KCNQ5: variants seen among roughly 807,000 people sequenced by gnomAD.
The protein encoded by KCNQ5 is potassium voltage-gated channel subfamily KQT member 5.
KCNQ5 carries 30 observed loss-of-function variants against 98.2 expected under a neutral mutation model. The ratio of observed to expected loss-of-function variants is 0.31; its 90% CI spans 0.23 to 0.41. The LOEUF is 0.41. Ranked by LOEUF, KCNQ5 falls within the 10% of genes least tolerant of loss-of-function variation. The pLI, the probability that KCNQ5 is intolerant of heterozygous loss-of-function variation, is 1.00. For missense variants in KCNQ5, 835 were observed against 1,182.5 expected (o/e 0.71, Z 4.31); for synonymous variants, 458 against 449.4 (o/e 1.02, Z -0.24).
At chr6:72,971,631 A>C (rs549107960) in intron 1 of KCNQ5, among the ~76,000 whole-genome samples, 4 of 152,312 alleles carry the variant, frequency 2.6e-5, no homozygotes, top group African/African-American at 9.6e-5. Flanking sequence ...AATGTGGCAC[A>C]TATACACCAT....
rs374752116 is a variant in KCNQ5 at position 73,133,550 on chromosome 6, C to T, written c.1377C>T (p.Thr459=). The T allele has an allele frequency of 7.3e-5, 118 of 1,614,100 alleles. No homozygotes were observed. The highest frequency in any genetic ancestry group is 4.0e-4 in the South Asian group (36 of 91,086). ...ACATCACAGCCGAGGGCAGTCCCACCAAAGTGCAGAAGAGCTGGAGCTTCA... is the reference window on the plus strand; with the variant it reads ...ACATCACAGCCGAGGGCAGTCCCACTAAAGTGCAGAAGAGCTGGAGCTTCA... ...STDITAEGSP[T]KVQKSWSFND... Residue 459 remains threonine (T), a synonymous_variant, in exon 10 of 14, where the codon ACC becomes ACT. Coordinates refer to ENST00000370398, the MANE Select transcript of KCNQ5 (RefSeq NM_019842.4).
At chr6:73,139,018 C>T (rs557506113) in intron 10 of KCNQ5, among the ~76,000 whole-genome samples, 2 of 152,346 alleles carry the variant, frequency 1.3e-5, no homozygotes, top group African/African-American at 2.4e-5. Flanking sequence ...CAGCTCTCCA[C>T]AGAGCCTCAG....
chr6:72,845,769 G>C (rs2150137374), intron 1 of KCNQ5, among the ~76,000 whole-genome samples: 1 of 152,106 alleles, frequency 6.6e-6, no homozygotes, highest in African/African-American at 2.4e-5. Flanking sequence ...ATTTTTATTT[G>C]AATTTCGTTA....
intron 1 of KCNQ5, among the ~76,000 whole-genome samples, chr6:72,631,785 A>G (rs1278817491): frequency 6.6e-6 from 1 of 152,252 alleles, no homozygotes; most frequent in Non-Finnish European, 1.5e-5. Context: ...TACAAGGCTA[A>G]AAGGAAAATC....
intron 1 of KCNQ5, among the ~76,000 whole-genome samples, chr6:72,854,514 A>T (rs751777535): frequency 5.3e-5 from 8 of 151,860 alleles, no homozygotes; most frequent in Non-Finnish European, 1.0e-4. Context: ...TGAAATTTTT[A>T]AAAATAATCC....
chr6:72,641,369 A>G (rs2098927094), intron 1 of KCNQ5, among the ~76,000 whole-genome samples: 1 of 152,176 alleles, frequency 6.6e-6, no homozygotes, highest in Non-Finnish European at 1.5e-5. Context: ...TGGTAAATTC[A>G]TTAGGGCAAG....
At chr6:72,759,363 A>T (rs1041727384) in intron 1 of KCNQ5, among the ~76,000 whole-genome samples, 2 of 152,000 alleles carry the variant, frequency 1.3e-5, no homozygotes, top group Non-Finnish European at 2.9e-5. Context: ...GTTATAAGGG[A>T]AAAAAAATAT....
At chr6:72,898,781 A>G (rs1779357650) in intron 1 of KCNQ5, among the ~76,000 whole-genome samples, 1 of 152,012 alleles carries the variant, frequency 6.6e-6, no homozygotes, top group Non-Finnish European at 1.5e-5. Flanking sequence ...ACTAATTTAT[A>G]CTCCCACCAA....
chr6:72,740,868 C>T (rs115167980), intron 1 of KCNQ5, among the ~76,000 whole-genome samples: 2,190 of 152,256 alleles, frequency 0.014, 44 homozygotes, highest in African/African-American at 0.05. Flanking sequence ...TTTACCTGCC[C>T]TCTAATTACG....
intron 1 of KCNQ5, among the ~76,000 whole-genome samples, chr6:72,844,972 G>T (rs1293329484): frequency 6.6e-6 from 1 of 152,098 alleles, no homozygotes; most frequent in Non-Finnish European, 1.5e-5. Flanking sequence ...CTTTCCAAAG[G>T]CTCCTAATTA....
chr6:73,043,939 T>C (rs1372751601), intron 3 of KCNQ5, among the ~76,000 whole-genome samples: 3 of 152,184 alleles, frequency 2.0e-5, no homozygotes, highest in African/African-American at 7.2e-5. Flanking sequence ...AAAAATGATG[T>C]TATGTTATCT....
At chr6:73,141,259 C>T (rs1776697229) in intron 10 of KCNQ5, among the ~76,000 whole-genome samples, 1 of 152,124 alleles carries the variant, frequency 6.6e-6, no homozygotes, top group South Asian at 2.1e-4. Flanking sequence ...TAGGGCTCTG[C>T]CCTCATAGCC....
chr6:73,070,317 CAG>C (rs1170599141), intron 3 of KCNQ5, among the ~76,000 whole-genome samples: 5 of 151,926 alleles, frequency 3.3e-5, no homozygotes, highest in Admixed American at 1.3e-4. Context: ...TGGAGAATGA[CAG>C]AGTTTTTATT....
At chr6:72,704,415 A>G (rs1768971938) in intron 1 of KCNQ5, among the ~76,000 whole-genome samples, 1 of 151,622 alleles carries the variant, frequency 6.6e-6, no homozygotes, top group Admixed American at 6.6e-5. Context: ...TTTTTTTCCC[A>G]ATTTCTTGGA....
chr6:72,640,364 G>C (rs199776697), intron 1 of KCNQ5, among the ~76,000 whole-genome samples: 2 of 55,340 alleles, frequency 3.6e-5, no homozygotes, highest in Non-Finnish European at 1.1e-4. Flanking sequence ...TTTATACTTT[G>C]TAACCATATA....
intron 1 of KCNQ5, among the ~76,000 whole-genome samples, chr6:72,998,410 T>A (rs1031605068): frequency 6.6e-6 from 1 of 152,226 alleles, no homozygotes; most frequent in African/African-American, 2.4e-5. Flanking sequence ...TGTTAGCATC[T>A]TTTATTTCAA....
At chr6:72,638,809 C>T (rs1347774990) in intron 1 of KCNQ5, among the ~76,000 whole-genome samples, 1 of 152,114 alleles carries the variant, frequency 6.6e-6, no homozygotes, top group Non-Finnish European at 1.5e-5. Context: ...CTACAGTAAG[C>T]ATCTGGTAGT....
In KCNQ5 at chr6:73,003,512, C is replaced by T. The variant is rs145935432; in HGVS notation, c.399-396C>T. 2.6e-3 allele frequency among the ~76,000 whole-genome samples: 402 copies of T among 152,222 alleles called. 1 individual carries two copies. Among genetic ancestry groups the T allele is most frequent in the Admixed American group, 3.5e-3 (53 of 15,288 alleles). ...GCAAAGTTGCCAAACAGGAGACAGA[C>T]TCGGCTCCTTTGAACGAAGAGTGAC... is the stretch of plus-strand genomic sequence containing the variant. On this transcript the variant is annotated intron_variant, in intron 1 of 13. Coordinates refer to ENST00000370398, the MANE Select transcript of KCNQ5 (RefSeq NM_019842.4).
intron 1 of KCNQ5, among the ~76,000 whole-genome samples, chr6:72,836,753 T>C (rs1295464736): frequency 6.6e-6 from 1 of 152,230 alleles, no homozygotes; most frequent in South Asian, 2.1e-4. Flanking sequence ...CTTTCTGCAA[T>C]GTCTGGGATC....
Sources: allele counts gnomAD v4.1 joint callset (sites outside exome capture counted in the v4.1 genomes callset), GRCh38; gene constraint gnomAD v4.1.1; transcripts MANE v1.5; gene names NCBI Gene and HGNC (gene_info 2026-07-23, HGNC 2026-07-21).